Variants in STS observed in about 807,000 individuals in gnomAD.
The protein encoded by STS is steryl-sulfatase.
In STS, 7 loss-of-function variants were observed where a neutral mutation model predicts 26.8. That is an observed-to-expected ratio of 0.26 (90% CI 0.15 to 0.49). STS has a LOEUF of 0.49. Ranked by LOEUF, STS falls within the 20% of genes least tolerant of loss-of-function variation. STS has a pLI of 0.98. For missense variants in STS, 434 were observed against 465.6 expected (o/e 0.93, Z 0.63); for synonymous variants, 199 against 189.4 (o/e 1.05, Z -0.42).
intron 9 of STS, among the ~76,000 whole-genome samples, chrX:7,331,067 T>C (rs1927720168): frequency 9.0e-6 from 1 of 110,755 alleles, no homozygotes; most frequent in Non-Finnish European, 1.9e-5. Flanking sequence ...TTTCTTTCTC[T>C]TATGATCCTT....
At chrX:7,288,769 A>G (rs1749842993) in intron 7 of STS, among the ~76,000 whole-genome samples, 1 of 109,407 alleles carries the variant, frequency 9.1e-6, no homozygotes, top group Non-Finnish European at 1.9e-5. Context: ...GGACCTCTTA[A>G]AACTTGGGTA....
At chrX:7,263,188 C>T (rs1049851559) in intron 6 of STS, among the ~76,000 whole-genome samples, 4 of 111,436 alleles carry the variant, frequency 3.6e-5, no homozygotes, top group Non-Finnish European at 7.5e-5. Flanking sequence ...CCTGCCTCAG[C>T]CTCTGAAGTA....
intron 8 of STS, among the ~76,000 whole-genome samples, chrX:7,319,471 G>A (rs1476152007): frequency 9.1e-6 from 1 of 110,272 alleles, no homozygotes; most frequent in Admixed American, 9.7e-5. Context: ...ACTATCTGCT[G>A]TTTAAGGGCC....
chrX:7,286,932 T>TGA (rs1372736129), intron 7 of STS, among the ~76,000 whole-genome samples: 4 of 112,082 alleles, frequency 3.6e-5, no homozygotes, highest in African/African-American at 1.3e-4. Flanking sequence ...AAATGAATTT[T>TGA]TGGTAAATTG....
intron 6 of STS, among the ~76,000 whole-genome samples, chrX:7,269,935 T>G (rs931662218): frequency 1.8e-5 from 2 of 111,881 alleles, no homozygotes; most frequent in Non-Finnish European, 3.8e-5. Context: ...AGATGAAGAT[T>G]ATTATTCCGA....
chrX:7,285,895 T>C (rs1925107209), intron 7 of STS, among the ~76,000 whole-genome samples: 1 of 112,043 alleles, frequency 8.9e-6, no homozygotes, highest in Non-Finnish European at 1.9e-5. Flanking sequence ...ATGAAATCTA[T>C]GGCCACTGAA....
At chrX:7,296,491 G>A (rs1057041340) in intron 7 of STS, among the ~76,000 whole-genome samples, 2 of 111,948 alleles carry the variant, frequency 1.8e-5, no homozygotes, top group African/African-American at 3.2e-5. Flanking sequence ...TTGTGATGTC[G>A]ATAACCCTAT....
chrX:7,349,849 C>T, intron 10 of STS, 39 bp from the exon 11 acceptor site: 1 of 1,210,429 alleles, frequency 8.3e-7, no homozygotes, highest in Non-Finnish European at 1.1e-6. Context: ...TACAAGGATG[C>T]TTCATACCTA....
intron 2 of STS, among the ~76,000 whole-genome samples, chrX:7,192,433 A>G (rs1474705154): frequency 2.7e-5 from 3 of 111,663 alleles, no homozygotes; most frequent in Non-Finnish European, 3.8e-5. Flanking sequence ...GCATTGTGCC[A>G]TGCACCTGTA....
chrX:7,246,214 G>A (rs185345647), intron 2 of STS, among the ~76,000 whole-genome samples: 37 of 110,923 alleles, frequency 3.3e-4, no homozygotes, highest in African/African-American at 1.2e-3. Flanking sequence ...GCCATTGTTC[G>A]CTCTTTGTTA....
intron 2 of STS, among the ~76,000 whole-genome samples, chrX:7,233,725 C>T (rs1359724587): frequency 9.0e-6 from 1 of 111,604 alleles, no homozygotes; most frequent in African/African-American, 3.3e-5. Flanking sequence ...GGCCTCCCAT[C>T]GCTGTCTTCC....
chrX:7,152,156 G>T (rs990703265), intron 1 of STS, among the ~76,000 whole-genome samples: 34 of 109,861 alleles, frequency 3.1e-4, no homozygotes, highest in Non-Finnish European at 4.4e-4. Flanking sequence ...GTTTCACCAT[G>T]TTAGCCAGGA....
intron 2 of STS, among the ~76,000 whole-genome samples, chrX:7,232,320 C>G (rs1922097409): frequency 1.8e-5 from 2 of 111,986 alleles, no homozygotes; most frequent in African/African-American, 6.5e-5. Flanking sequence ...TTAGGGCTAG[C>G]GAAACCTTTA....
At chrX:7,190,063 G>C (rs758552534) in intron 1 of STS, among the ~76,000 whole-genome samples, 1 of 110,596 alleles carries the variant, frequency 9.0e-6, no homozygotes, top group Non-Finnish European at 1.9e-5. Context: ...GGATGGTTTT[G>C]GGATGATTCA....
At chrX:7,337,381 C>A (rs1928084219) in intron 10 of STS, among the ~76,000 whole-genome samples, 1 of 111,785 alleles carries the variant, frequency 8.9e-6, no homozygotes, top group Non-Finnish European at 1.9e-5. Flanking sequence ...GCTGGGAATA[C>A]AGGGATGCGT....
chrX:7,306,753 G>T, intron 8 of STS, among the ~76,000 whole-genome samples: 1 of 112,071 alleles, frequency 8.9e-6, no homozygotes, highest in East Asian at 2.8e-4. Context: ...TCACCAGTGG[G>T]TCTGTGCCTC....
intron 10 of STS, among the ~76,000 whole-genome samples, chrX:7,342,354 A>G (rs904427247): frequency 9.0e-6 from 1 of 111,349 alleles, no homozygotes; most frequent in Non-Finnish European, 1.9e-5. Flanking sequence ...GGACAGCTAG[A>G]ATATCAATAT....
chrX:7,176,197 T>G, intron 1 of STS, among the ~76,000 whole-genome samples: 1 of 111,781 alleles, frequency 8.9e-6, no homozygotes, highest in Non-Finnish European at 1.9e-5. Flanking sequence ...CACTCTTCGG[T>G]AATTTGGCCA....
intron 2 of STS, among the ~76,000 whole-genome samples, chrX:7,200,668 G>C (rs1010243426): frequency 9.0e-6 from 1 of 111,669 alleles, no homozygotes; most frequent in African/African-American, 3.3e-5. Flanking sequence ...CAGTGCCACA[G>C]TGAACATATT....
Sources: gnomAD v4.1 joint callset for allele counts (sites outside exome capture counted in the v4.1 genomes callset) on GRCh38, gnomAD v4.1.1 for gene constraint, MANE v1.5 for transcripts, NCBI Gene and HGNC (gene_info 2026-07-23, HGNC 2026-07-21) for gene names.